The following LYPD6 variants were observed in gnomAD, a reference collection of about 807,000 sequenced individuals.
LYPD6 encodes LY6/PLAUR domain containing 6, also known as ly6/PLAUR domain-containing protein 6.
LYPD6 carries 15 observed loss-of-function variants against 22.7 expected under a neutral mutation model. The ratio of observed to expected loss-of-function variants is 0.66; its 90% confidence interval spans 0.44 to 1.02. The LOEUF (loss-of-function observed/expected upper bound fraction) is 1.02. Ranked by LOEUF, LYPD6 falls within the 50% of genes least tolerant of loss-of-function variation. LYPD6 has a pLI of 0.00. For synonymous variants in LYPD6, 72 were observed against 77.5 expected (o/e 0.93, Z 0.37); for missense variants, 189 against 208.4 (o/e 0.91, Z 0.57).
At chr2:149,483,385 T>C in the LYPD6 span, among the ~76,000 whole-genome samples, 1 of 152,230 alleles carries the variant, frequency 6.6e-6, no homozygotes, top group African/African-American at 2.4e-5. Context: ...ATTGCGTATC[T>C]GGGACTGTGC....
At chr2:149,338,876 C>T (rs576210741) in intron 1 of LYPD6, among the ~76,000 whole-genome samples, 52 of 152,128 alleles carry the variant, frequency 3.4e-4, no homozygotes, top group African/African-American at 1.2e-3. Flanking sequence ...GGAGTCTTGG[C>T]AGAAGAACAG....
At chr2:149,482,588 A>G in the LYPD6 span, among the ~76,000 whole-genome samples, 3 of 152,090 alleles carry the variant, frequency 2.0e-5, no homozygotes, top group East Asian at 5.8e-4. Flanking sequence ...GAGCTCCCAT[A>G]TATCATTCTA....
intron 1 of LYPD6, among the ~76,000 whole-genome samples, chr2:149,369,116 C>T (rs2105075754): frequency 6.6e-6 from 1 of 151,948 alleles, no homozygotes; most frequent in East Asian, 1.9e-4. Flanking sequence ...GTGCCTGTGA[C>T]ATCTGCAGTT....
chr2:149,406,884 C>A (rs1022498916), intron 1 of LYPD6, among the ~76,000 whole-genome samples: 4 of 136,924 alleles, frequency 2.9e-5, no homozygotes, highest in African/African-American at 1.3e-4. Context: ...TTGTTCCTTT[C>A]CATGTTTAGT....
intron 1 of LYPD6, among the ~76,000 whole-genome samples, chr2:149,405,679 A>C (rs1682686123): frequency 6.6e-6 from 1 of 152,100 alleles, no homozygotes; most frequent in Admixed American, 6.5e-5. Context: ...CCTTTCACAA[A>C]ACCAGCTCCT....
At chr2:149,482,202 T>C in the LYPD6 span, among the ~76,000 whole-genome samples, 1 of 152,222 alleles carries the variant, frequency 6.6e-6, no homozygotes, top group East Asian at 1.9e-4. Flanking sequence ...TTTGCCACAT[T>C]TGACTTATTC....
At position 149,471,000 on chromosome 2, in the gene LYPD6, G is replaced by T; in HGVS notation, c.*150G>T. 1 of 662,112 alleles carries T rather than the reference G, an allele frequency of 1.5e-6. No homozygotes were observed. 41.0% of individuals were successfully genotyped at this position (662,112 alleles called of 1,614,324 possible). On this transcript the variant is annotated 3_prime_UTR_variant, in exon 5 of 5. Transcript: ENST00000334166. ...GCCAAGCATTGCCACTTACCATGAGGAATAAATGTTGCTTCATTGTAGCCA... is the reference window on the plus strand; with the variant it reads ...GCCAAGCATTGCCACTTACCATGAGTAATAAATGTTGCTTCATTGTAGCCA...
downstream of LYPD6, among the ~76,000 whole-genome samples, chr2:149,478,910 G>A (rs1287620052): frequency 6.6e-6 from 1 of 152,034 alleles, no homozygotes; most frequent in African/African-American, 2.4e-5. Flanking sequence ...GCAAAACAAA[G>A]GAAAATTGAC....
At chr2:149,434,703 A>C (rs1383418201) in intron 1 of LYPD6, among the ~76,000 whole-genome samples, 1 of 152,154 alleles carries the variant, frequency 6.6e-6, no homozygotes, top group Non-Finnish European at 1.5e-5. Context: ...ATCCACTCCC[A>C]CAGAGGCTCT....
chr2:149,373,975 A>G (rs1055801297), intron 1 of LYPD6, among the ~76,000 whole-genome samples: 4 of 152,154 alleles, frequency 2.6e-5, no homozygotes, highest in Non-Finnish European at 5.9e-5. Context: ...TAAAGAGGTC[A>G]TTTTATGGTC....
At chr2:149,363,904 C>G (rs925670937) in intron 1 of LYPD6, among the ~76,000 whole-genome samples, 4 of 152,128 alleles carry the variant, frequency 2.6e-5, no homozygotes, top group African/African-American at 9.7e-5. Context: ...TTTTGCCCTC[C>G]TAGTTCTCAT....
intron 1 of LYPD6, among the ~76,000 whole-genome samples, chr2:149,384,198 A>G (rs564529406): frequency 6.6e-6 from 1 of 152,188 alleles, no homozygotes; most frequent in Non-Finnish European, 1.5e-5. Context: ...CTCAATTATA[A>G]GATGTTCATA....
intron 1 of LYPD6, among the ~76,000 whole-genome samples, chr2:149,343,593 T>C (rs1297125310): frequency 6.6e-6 from 1 of 152,126 alleles, no homozygotes. Context: ...AGTAGGCAAG[T>C]GAAAGCTGGG....
chr2:149,462,821 G>A (rs1681116282), intron 3 of LYPD6, among the ~76,000 whole-genome samples: 1 of 151,960 alleles, frequency 6.6e-6, no homozygotes, highest in African/African-American at 2.4e-5. Flanking sequence ...TTTAACAAAT[G>A]GTACTGGAGG....
intron 1 of LYPD6, among the ~76,000 whole-genome samples, chr2:149,342,143 C>T (rs1431412965): frequency 6.6e-6 from 1 of 152,056 alleles, no homozygotes; most frequent in Non-Finnish European, 1.5e-5. Flanking sequence ...CCTGAGTTGC[C>T]CATGACCTAG....
chr2:149,421,078 G>A (rs1683067490), intron 1 of LYPD6, among the ~76,000 whole-genome samples: 1 of 152,018 alleles, frequency 6.6e-6, no homozygotes, highest in African/African-American at 2.4e-5. Flanking sequence ...GGAAACCTTG[G>A]CCCTTTTTGA....
At chr2:149,457,777 A>G (rs768392930) in intron 3 of LYPD6, among the ~76,000 whole-genome samples, 1 of 152,202 alleles carries the variant, frequency 6.6e-6, no homozygotes, top group Non-Finnish European at 1.5e-5. Flanking sequence ...AAAATTCTGA[A>G]CATTATTTAT....
At position 149,458,671 on chromosome 2, in the gene LYPD6, T is replaced by C. The variant is rs565999983; in HGVS notation, c.217+9524T>C. Among the ~76,000 whole-genome samples, 4 of 152,224 alleles carry C rather than the reference T, an allele frequency of 2.6e-5. No individual in the cohort carries two copies. The East Asian group carries it at 7.7e-4, about 29-fold the overall frequency. On this transcript the variant is annotated intron_variant, in intron 3 of 4. Transcript: ENST00000334166. ...TTTTAAAGCAGCCATAATAAAAATG[T>C]TTCAGTAAGTAATAACAAACACACT...
intron 1 of LYPD6, among the ~76,000 whole-genome samples, chr2:149,339,942 C>A (rs2105047871): frequency 1.3e-5 from 2 of 152,278 alleles, no homozygotes; most frequent in South Asian, 4.1e-4. Flanking sequence ...GATTCCTGAT[C>A]ACCTAACCGA....
Sources: allele counts gnomAD v4.1 joint callset (sites outside exome capture counted in the v4.1 genomes callset), GRCh38; gene constraint gnomAD v4.1.1; transcripts MANE v1.5; gene names NCBI Gene and HGNC (gene_info 2026-07-23, HGNC 2026-07-21).